KIF1B: variants seen among roughly 807,000 people sequenced by gnomAD.
KIF1B encodes the protein kinesin-like protein KIF1B.
A neutral mutation model predicts 241.9 loss-of-function variants in KIF1B; 76 were observed. That is an observed-to-expected ratio of 0.31 (90% CI 0.26 to 0.38). The LOEUF is 0.38. KIF1B is among the 10% of genes least tolerant of loss of function. The pLI, the probability that KIF1B is intolerant of heterozygous loss-of-function variation, is 1.00. For synonymous variants in KIF1B, 750 were observed against 796.7 expected, an observed-to-expected ratio of 0.94 and a Z score of 0.99; for missense variants, 1,622 against 2,271.4, an observed-to-expected ratio of 0.71 and a Z score of 5.81.
At chr1:10,344,117 G>A (rs1652502183) in intron 34 of KIF1B, among the ~76,000 whole-genome samples, 1 of 152,072 alleles carries the variant, frequency 6.6e-6, no homozygotes, top group South Asian at 2.1e-4. Context: ...GAGCTGATTC[G>A]GTTTCTCGTG....
intron 5 of KIF1B, 26 bp downstream of exon 5, chr1:10,261,996 G>C (rs4846209): frequency 6.7e-7 from 1 of 1,498,402 alleles, no homozygotes; most frequent in Non-Finnish European, 9.3e-7. Context: ...AGTTGACACC[G>C]TAAGCCCTTG....
chr1:10,298,958 T>C (rs1650402349), intron 22 of KIF1B: 1 of 151,354 alleles, frequency 6.6e-6, no homozygotes, highest in African/African-American at 2.4e-5. Flanking sequence ...TTAGAATAAC[T>C]AAGCACGGTG....
rs371830018 is a variant in KIF1B at position 10,376,530 on chromosome 1, G to A, written c.5409-15G>A. 1.4e-4 allele frequency: 224 copies of A among 1,613,466 alleles called. No homozygotes were observed. The highest frequency in any genetic ancestry group is 1.7e-4 in the Non-Finnish European group (203 of 1,179,614). Reference sequence around the variant, plus strand: ...CCCAGACTTCTAATCCTACCTCCCCGTTTGTCCCCCATAGGTCAAAGCTTT... The same window carrying A: ...CCCAGACTTCTAATCCTACCTCCCCATTTGTCCCCCATAGGTCAAAGCTTT... On this transcript the variant is annotated splice_polypyrimidine_tract_variant and intron_variant, in intron 48 of 48. Transcript: ENST00000676179.
intron 17 of KIF1B, among the ~76,000 whole-genome samples, chr1:10,294,676 T>C (rs1164579839): frequency 6.6e-6 from 1 of 152,148 alleles, no homozygotes; most frequent in East Asian, 1.9e-4. Context: ...GAGACCAGCC[T>C]GGCCAACATG....
intron 23 of KIF1B, among the ~76,000 whole-genome samples, chr1:10,320,376 C>CAT (rs145649974): frequency 0.019 from 2,899 of 152,220 alleles, 41 homozygotes; most frequent in Non-Finnish European, 0.028. Context: ...TTTCTGAGCA[C>CAT]GTTCATTTAA....
chr1:10,296,603 G>C lies in KIF1B; in HGVS notation c.1799G>C (p.Cys600Ser). 1 of 1,613,804 alleles carries C rather than the reference G, an allele frequency of 6.2e-7. No homozygotes were observed. The highest frequency in any genetic ancestry group is 8.5e-7 in the Non-Finnish European group (1 of 1,179,810). ...TTAGTTATCGTGACCTTAGAGCCCT[G>C]TGAGCGCTCAGAAACCTACGTAAAT... The part of the protein sequence containing the change: ...SGEVIVTLEP[C>S]ERSETYVNGK... Residue 600 changes from cysteine (C) to serine (S), a missense_variant, in exon 20 of 49, where the codon TGT becomes TCT. This residue lies in a region of KIF1B where 44 missense variants were observed against 28.6 expected (regional missense o/e 1.54). Transcript: ENST00000676179.
Position 10,376,660 on chromosome 1 carries a change from T to A in KIF1B, c.*73T>A. On this transcript the variant is annotated 3_prime_UTR_variant, in exon 49 of 49. Coordinates refer to ENST00000676179, the MANE Select transcript of KIF1B (RefSeq NM_001365951.3). ...GTTACCTCTCATTTCTCTTTGTGAT[T>A]CTTGACGGTGACTCTTGTATGTAAT... is the stretch of plus-strand genomic sequence containing the variant. 6.9e-7 allele frequency: 1 copy of A among 1,440,044 alleles called. No homozygotes were observed. Among genetic ancestry groups the A allele is most frequent in the Non-Finnish European group, 9.8e-7 (1 of 1,022,338 alleles). The allele number at this position is 1,440,044 out of a possible 1,614,324, so 89.2% of individuals were successfully genotyped here. A position where few individuals can be genotyped will look rare whatever the true frequency, so the allele number is the denominator to read the frequency against.
intron 17 of KIF1B, among the ~76,000 whole-genome samples, chr1:10,294,846 C>T (rs866511692): frequency 6.6e-6 from 1 of 152,052 alleles, no homozygotes; most frequent in Non-Finnish European, 1.5e-5. Context: ...CTAGACAGAG[C>T]GAGACTCTGT....
At chr1:10,347,971 TC>T in intron 36 of KIF1B, 144 bp downstream of exon 36, 1 of 656,826 alleles carries the variant, frequency 1.5e-6, no homozygotes, top group Non-Finnish European at 2.7e-6. Context: ...TTTTTTTTTT[TC>T]TGTGTCTGTC....
intron 37 of KIF1B, among the ~76,000 whole-genome samples, chr1:10,351,073 CAAAAAA>C (rs35072176): frequency 0.027 from 2,808 of 104,652 alleles, 46 homozygotes; most frequent in Non-Finnish European, 0.037. Flanking sequence ...AAGACCCTGT[CAAAAAA>C]AAAAAAAAAA....
chr1:10,355,694 T>A lies in KIF1B; in HGVS notation c.4055+2958T>A, dbSNP rs1569885676. 2.0e-5 allele frequency among the ~76,000 whole-genome samples: 3 copies of A among 152,168 alleles called. No homozygotes were observed. In the South Asian group the frequency reaches 6.2e-4, roughly 32 times the overall value. On this transcript the variant is annotated intron_variant, in intron 38 of 48. Transcript: ENST00000676179. ...GTTTCTCCCTTCATTTCATACAGAA[T>A]CTCAGGTTTTGTTTTCTGTTTTCCT...
At chr1:10,291,037 A>G (rs946818584) in intron 15 of KIF1B, 45 bp from the exon 16 acceptor site, 6 of 1,475,260 alleles carry the variant, frequency 4.1e-6, no homozygotes, top group Admixed American at 3.3e-5. Context: ...GGTATGTTAA[A>G]TTATAAGACT....
intron 22 of KIF1B, among the ~76,000 whole-genome samples, chr1:10,309,911 G>A (rs1023754119): frequency 1.3e-5 from 2 of 150,710 alleles, no homozygotes; most frequent in African/African-American, 2.5e-5. Context: ...TTTGTTCCTT[G>A]TATATGCCAA....
chr1:10,253,930 C>A (rs919448106), intron 2 of KIF1B, among the ~76,000 whole-genome samples: 1 of 152,160 alleles, frequency 6.6e-6, no homozygotes, highest in African/African-American at 2.4e-5. Flanking sequence ...AACTAAGCAC[C>A]GTAGCAACTG....
chr1:10,261,869 TG>T, intron 4 of KIF1B, 35 bp from the exon 5 acceptor site: 1 of 1,398,314 alleles, frequency 7.2e-7, no homozygotes, highest in South Asian at 1.2e-5. Context: ...TCCTCTCATT[TG>T]TGCTCTTCAT....
intron 5 of KIF1B, among the ~76,000 whole-genome samples, chr1:10,264,637 A>G (rs1258257416): frequency 1.3e-5 from 2 of 152,134 alleles, no homozygotes; most frequent in African/African-American, 4.8e-5. Flanking sequence ...TTACTCTCAT[A>G]ATAGATTAAT....
At chr1:10,262,874 T>TAAA (rs1557673191) in intron 5 of KIF1B, among the ~76,000 whole-genome samples, 1 of 152,204 alleles carries the variant, frequency 6.6e-6, no homozygotes, top group African/African-American at 2.4e-5. Context: ...CCCACTTTTT[T>TAAA]AATTGCTTAT....
intron 15 of KIF1B, among the ~76,000 whole-genome samples, chr1:10,283,206 CAAAAAAAAA>C (rs33994771): frequency 3.2e-5 from 2 of 61,582 alleles, no homozygotes; most frequent in Admixed American, 3.9e-4. Context: ...GACTCCGTCT[CAAAAAAAAA>C]AAAAAAAAAA....
intron 5 of KIF1B, among the ~76,000 whole-genome samples, chr1:10,264,959 C>A (rs1021680501): frequency 7.2e-5 from 11 of 151,986 alleles, no homozygotes; most frequent in Non-Finnish European, 2.9e-5. Flanking sequence ...CTGCGCCCGG[C>A]CTTTTTTTCT....
Sources: allele counts gnomAD v4.1 joint callset (sites outside exome capture counted in the v4.1 genomes callset), GRCh38; gene constraint gnomAD v4.1.1; regional missense constraint gnomAD v4.1.1; transcripts MANE v1.5; gene names NCBI Gene and HGNC (gene_info 2026-07-23, HGNC 2026-07-21).